ZNF618: variants seen among roughly 807,000 people sequenced by gnomAD.
The protein encoded by ZNF618 is zinc finger protein 618, also known as neural precursor cell expressed, developmentally down-regulated 10.
In ZNF618, 34 loss-of-function variants were observed where a neutral mutation model predicts 103.0. The observed-to-expected ratio is 0.33, with a 90% confidence interval of 0.25 to 0.44. The LOEUF (loss-of-function observed/expected upper bound fraction) is 0.44, where lower values mean the gene tolerates loss of function less well. ZNF618 is among the 20% of genes least tolerant of loss of function. The pLI, the probability that ZNF618 is intolerant of heterozygous loss-of-function variation, is 1.00. For synonymous variants in ZNF618, 551 were observed against 542.2 expected, an observed-to-expected ratio of 1.02 and a Z score of -0.23; for missense variants, 1,059 against 1,295.4, an observed-to-expected ratio of 0.82 and a Z score of 2.80.
At chr9:114,039,952 ACACACAGGATAGC>A (rs1332830488) in intron 13 of ZNF618, among the ~76,000 whole-genome samples, 2 of 150,776 alleles carry the variant, frequency 1.3e-5, no homozygotes, top group Admixed American at 1.3e-4. Context: ...AGGGGGGAGG[ACACACAGGATAGC>A]CACACCGAGG....
intron 1 of ZNF618, among the ~76,000 whole-genome samples, chr9:113,907,158 A>T (rs1048901586): frequency 6.6e-6 from 1 of 152,190 alleles, no homozygotes; most frequent in Non-Finnish European, 1.5e-5. Context: ...TGTTGTTATT[A>T]TTGGATGGCC....
intron 1 of ZNF618, among the ~76,000 whole-genome samples, chr9:113,941,403 T>C (rs1377260690): frequency 6.6e-6 from 1 of 152,236 alleles, no homozygotes; most frequent in African/African-American, 2.4e-5. Flanking sequence ...TAATCTGTTT[T>C]GTTGGGTTAC....
chr9:114,009,390 A>G (rs1227333975), intron 9 of ZNF618, among the ~76,000 whole-genome samples: 1 of 152,190 alleles, frequency 6.6e-6, no homozygotes, highest in Admixed American at 6.5e-5. Context: ...AGCAGGCAGC[A>G]TCCTCAGGAG....
At chr9:113,974,870 G>T (rs1838338577) in intron 2 of ZNF618, among the ~76,000 whole-genome samples, 1 of 152,180 alleles carries the variant, frequency 6.6e-6, no homozygotes, top group Admixed American at 6.5e-5. Flanking sequence ...CCCATTGCCT[G>T]ATTGTGTGAC....
chr9:113,945,514 T>G (rs1834938504), intron 1 of ZNF618, among the ~76,000 whole-genome samples: 1 of 152,230 alleles, frequency 6.6e-6, no homozygotes, highest in African/African-American at 2.4e-5. Context: ...GCAGCCTGTA[T>G]AGTGGCTGCA....
chr9:113,940,469 T>C (rs1245767115), intron 1 of ZNF618, among the ~76,000 whole-genome samples: 1 of 152,176 alleles, frequency 6.6e-6, no homozygotes. Flanking sequence ...CTGATTTTTT[T>C]CTTCCTGTTT....
At chr9:113,936,181 C>T (rs964734689) in intron 1 of ZNF618, among the ~76,000 whole-genome samples, 3 of 152,120 alleles carry the variant, frequency 2.0e-5, no homozygotes, top group Non-Finnish European at 2.9e-5. Flanking sequence ...GCTTGGTGGT[C>T]AGAGACCAGG....
At chr9:114,027,795 G>C (rs1437447216) in intron 10 of ZNF618, 2 of 152,244 alleles carry the variant, frequency 1.3e-5, no homozygotes, top group Non-Finnish European at 2.9e-5. Context: ...ACTGAGTCAA[G>C]ACAGTACCCT....
chr9:114,011,731 C>T (rs1413380263), intron 9 of ZNF618, among the ~76,000 whole-genome samples: 1 of 152,220 alleles, frequency 6.6e-6, no homozygotes, highest in Non-Finnish European at 1.5e-5. Flanking sequence ...GGGAAGTACA[C>T]CTTTCACATC....
chr9:113,876,495 A>G, intron 1 of ZNF618, 82 bp downstream of exon 1: 1 of 1,074,742 alleles, frequency 9.3e-7, no homozygotes, highest in Non-Finnish European at 1.2e-6. Context: ...CTTCATTGCA[A>G]GATTTGCAAA....
intron 1 of ZNF618, among the ~76,000 whole-genome samples, chr9:113,968,859 A>G (rs1478628137): frequency 6.6e-6 from 1 of 152,174 alleles, no homozygotes; most frequent in Non-Finnish European, 1.5e-5. Context: ...AGGGCAGTGC[A>G]GTTGCTGAGT....
At chr9:114,016,289 T>A in intron 9 of ZNF618, 1 of 831,902 alleles carries the variant, frequency 1.2e-6, no homozygotes, top group Non-Finnish European at 2.0e-6. Context: ...GTGTGGCCAC[T>A]GCAGAGGGCA....
chr9:113,965,980 C>G (rs1468386591), intron 1 of ZNF618, among the ~76,000 whole-genome samples: 1 of 152,130 alleles, frequency 6.6e-6, no homozygotes, highest in Non-Finnish European at 1.5e-5. Flanking sequence ...TCGGGGAAGG[C>G]CTTGAGGCAG....
chr9:113,878,254 A>G (rs1423351435), intron 1 of ZNF618, among the ~76,000 whole-genome samples: 1 of 152,038 alleles, frequency 6.6e-6, no homozygotes, highest in African/African-American at 2.4e-5. Flanking sequence ...GGCAAAAAGG[A>G]GATGAAAATT....
At chr9:113,942,308 C>T (rs973326365) in intron 1 of ZNF618, among the ~76,000 whole-genome samples, 2 of 151,476 alleles carry the variant, frequency 1.3e-5, no homozygotes, top group Non-Finnish European at 2.9e-5. Flanking sequence ...TTTCTCACTC[C>T]TGAATCTCAA....
Position 114,008,571 on chromosome 9 carries a change from C to T in ZNF618, c.754+17C>T, listed in dbSNP as rs1310000160. ...TCGGGCCAAGTATGCGGGATTCCCTCTGGGGCCAAGGGCTGGGTGGGGGCT... is the reference window on the plus strand; with the variant it reads ...TCGGGCCAAGTATGCGGGATTCCCTTTGGGGCCAAGGGCTGGGTGGGGGCT... On this transcript the variant is annotated intron_variant, in intron 9 of 14. Transcript: ENST00000374126. The T allele has an allele frequency of 6.2e-7, 1 of 1,613,320 alleles. No individual in the cohort carries two copies. The highest frequency in any genetic ancestry group is 8.5e-7 in the Non-Finnish European group (1 of 1,179,672).
At position 114,049,378 on chromosome 9, in the gene ZNF618, C is replaced by G. The variant is rs1157873272; in HGVS notation, c.2076C>G (p.Pro692=). Residue 692 remains proline, a synonymous_variant, in exon 15 of 15, where the codon CCC becomes CCG. Transcript: ENST00000374126. ...CGCTGGAGGAGACGTCTCCACCACC[C>G]TGCTGGAACTCGGTGACGGACTCAC... The part of the protein sequence containing the change: ...FGSLEETSPP[P]CWNSVTDSLL... 5.6e-6 allele frequency: 9 copies of G among 1,605,876 alleles called. No homozygotes were observed. Among genetic ancestry groups the G allele is most frequent in the Middle Eastern group, 1.6e-4 (1 of 6,078 alleles).
At chr9:113,976,718 T>C (rs1202015053) in intron 2 of ZNF618, among the ~76,000 whole-genome samples, 2 of 152,126 alleles carry the variant, frequency 1.3e-5, no homozygotes, top group Non-Finnish European at 2.9e-5. Context: ...AGCTAAAAAT[T>C]CCTCCTCTAC....
In ZNF618 at chr9:113,900,055, ATTTTTATT is replaced by A. The variant is rs1318006270; in HGVS notation, c.33+23655_33+23662del. ...AATTTTTTGACAAACTGCCATTTCTATTTTTATTTTTTTATTTTTTGAGACCGAGTCTT... is the reference window on the plus strand; with the variant it reads ...AATTTTTTGACAAACTGCCATTTCTATTTTTATTTTTTGAGACCGAGTCTT... On this transcript the variant is annotated intron_variant, in intron 1 of 14. Coordinates refer to ENST00000374126, the MANE Select transcript of ZNF618 (RefSeq NM_001318042.2). Among the ~76,000 whole-genome samples the A allele has an allele frequency of 3.3e-5, 5 of 151,888 alleles. No homozygotes were observed. In the East Asian group the frequency reaches 7.8e-4, roughly 24 times the overall value.
Sources: gnomAD v4.1 joint callset for allele counts (sites outside exome capture counted in the v4.1 genomes callset) on GRCh38, gnomAD v4.1.1 for gene constraint, MANE v1.5 for transcripts, NCBI Gene and HGNC (gene_info 2026-07-23, HGNC 2026-07-21) for gene names.